Variants in FOXP1 observed in about 807,000 individuals in gnomAD.
FOXP1 encodes forkhead box protein P1.
A neutral mutation model predicts 98.2 loss-of-function variants in FOXP1; 15 were observed. That is an observed-to-expected ratio of 0.15 (90% CI 0.10 to 0.24). The LOEUF is 0.24. FOXP1 is among the 10% of genes least tolerant of loss of function. The probability of loss-of-function intolerance (pLI) is 1.00; values close to 1 mark genes in which losing one functional copy is unlikely to be tolerated. For missense variants in FOXP1, 633 were observed against 848.5 expected (o/e 0.75, Z 3.15); for synonymous variants, 371 against 314.5 (o/e 1.18, Z -1.90).
chr3:71,433,359 C>A (rs2084909051), intron 3 of FOXP1, among the ~76,000 whole-genome samples: 1 of 152,174 alleles, frequency 6.6e-6, no homozygotes, highest in Non-Finnish European at 1.5e-5. Flanking sequence ...AATGTATAAA[C>A]ACTCTACGTG....
intron 7 of FOXP1, among the ~76,000 whole-genome samples, chr3:71,110,509 A>C (rs1035836620): frequency 2.0e-5 from 3 of 152,174 alleles, no homozygotes; most frequent in African/African-American, 7.2e-5. Flanking sequence ...GGGAGGCAAA[A>C]AGAATGGACC....
At chr3:71,020,798 C>T (rs903919094) in intron 11 of FOXP1, among the ~76,000 whole-genome samples, 1 of 152,170 alleles carries the variant, frequency 6.6e-6, no homozygotes, top group Non-Finnish European at 1.5e-5. Context: ...TTTTCCAAAT[C>T]TGCCTCTTTC....
Position 71,220,637 on chromosome 3 carries a change from C to T in FOXP1, c.-11-22245G>A, listed in dbSNP as rs191950638. Among the ~76,000 whole-genome samples, 4 of 152,096 alleles carry T rather than the reference C, an allele frequency of 2.6e-5. No individual in the cohort carries two copies. The East Asian group carries it at 7.7e-4, about 29-fold the overall frequency. ...GTGTGGCAGTGCACGCCTGTAGTCC[C>T]AACTACTTGGGAGGCTGAGGTGGGA... On this transcript the variant is annotated intron_variant, in intron 5 of 20. Transcript: ENST00000649528.
At chr3:71,503,669 T>C (rs139591238) in intron 2 of FOXP1, among the ~76,000 whole-genome samples, 2 of 150,340 alleles carry the variant, frequency 1.3e-5, no homozygotes, top group Non-Finnish European at 2.9e-5. Flanking sequence ...ACCTCCTCAG[T>C]GACTCGATGT....
intron 5 of FOXP1, among the ~76,000 whole-genome samples, chr3:71,247,016 C>T (rs2067802704): frequency 6.6e-6 from 1 of 152,104 alleles, no homozygotes; most frequent in East Asian, 1.9e-4. Flanking sequence ...TGTGGCGCTA[C>T]AGCTCTCAGC....
At chr3:71,108,118 T>C (rs1363976242) in intron 7 of FOXP1, among the ~76,000 whole-genome samples, 1 of 152,224 alleles carries the variant, frequency 6.6e-6, no homozygotes, top group Non-Finnish European at 1.5e-5. Flanking sequence ...ATAGAGGGCC[T>C]GAAGCTGGTG....
intron 3 of FOXP1, among the ~76,000 whole-genome samples, chr3:71,406,601 C>T (rs1046657336): frequency 6.6e-6 from 1 of 151,492 alleles, no homozygotes; most frequent in Admixed American, 6.6e-5. Context: ...CTGGGTTCGC[C>T]GAGATACTCC....
chr3:70,976,658 C>A (rs963354364), intron 17 of FOXP1, among the ~76,000 whole-genome samples: 5 of 152,118 alleles, frequency 3.3e-5, no homozygotes, highest in African/African-American at 1.2e-4. Context: ...CACTTCTGGG[C>A]GACGGTGTTG....
chr3:71,348,537 G>A (rs1340925222), intron 4 of FOXP1, among the ~76,000 whole-genome samples: 1 of 137,868 alleles, frequency 7.3e-6, no homozygotes, highest in East Asian at 2.0e-4. Flanking sequence ...GTGTGTGTGT[G>A]TGTGTGTGTG....
At chr3:71,053,879 T>C (rs1371913397) in intron 7 of FOXP1, 106 bp from the exon 8 acceptor site, 1 of 1,160,810 alleles carries the variant, frequency 8.6e-7, no homozygotes, top group Non-Finnish European at 1.3e-6. Flanking sequence ...GTTGACCAAT[T>C]TCCCATGCAA....
At chr3:71,266,552 C>T (rs573187727) in intron 5 of FOXP1, among the ~76,000 whole-genome samples, 1 of 152,182 alleles carries the variant, frequency 6.6e-6, no homozygotes, top group Admixed American at 6.5e-5. Context: ...GCGCCTGGCC[C>T]CCAACTTTTG....
chr3:71,006,286 T>C (rs1451676379), intron 12 of FOXP1, among the ~76,000 whole-genome samples: 1 of 152,118 alleles, frequency 6.6e-6, no homozygotes, highest in Non-Finnish European at 1.5e-5. Context: ...AATCTAATGA[T>C]ACTTCACTCA....
chr3:71,235,918 T>C (rs1468113465), intron 5 of FOXP1, among the ~76,000 whole-genome samples: 2 of 152,218 alleles, frequency 1.3e-5, no homozygotes, highest in African/African-American at 4.8e-5. Flanking sequence ...AGGTAAATTC[T>C]GTACTAGGTA....
At chr3:71,331,530 G>A (rs1312377811) in intron 4 of FOXP1, among the ~76,000 whole-genome samples, 2 of 152,266 alleles carry the variant, frequency 1.3e-5, no homozygotes, top group African/African-American at 2.4e-5. Context: ...GCCCCGGTGC[G>A]GGATCCACTG....
At chr3:71,561,515 C>G (rs558517833) in intron 2 of FOXP1, among the ~76,000 whole-genome samples, 87 of 151,048 alleles carry the variant, frequency 5.8e-4, no homozygotes, top group African/African-American at 2.0e-3. Flanking sequence ...AAAGATCGAA[C>G]TATGTGACTG....
chr3:71,041,479 T>C lies in FOXP1; in HGVS notation c.718A>G (p.Thr240Ala). The C allele has an allele frequency of 6.2e-7, 1 of 1,613,886 alleles. No individual in the cohort carries two copies. ...QLWKEVTSAH[T>A]AEETTGNNHS... The stretch of plus-strand genomic sequence containing the variant: ...TTGTTGCCTGTGGTTTCTTCTGCAG[T>C]ATGAGCACTTGTCACTTCTTTCCAG... Residue 240 changes from threonine (T) to alanine (A), a missense_variant, in exon 11 of 21, where the codon ACT becomes GCT. This residue lies in a region of FOXP1 where 210 missense variants were observed against 270.6 expected (regional missense o/e 0.78). Coordinates refer to ENST00000649528, the MANE Select transcript of FOXP1 (RefSeq NM_001349338.3).
chr3:71,176,438 G>T (rs1289624584), intron 6 of FOXP1, among the ~76,000 whole-genome samples: 3 of 152,178 alleles, frequency 2.0e-5, no homozygotes, highest in Non-Finnish European at 4.4e-5. Context: ...ACCAGTCAAA[G>T]GAGACAGCAA....
intron 3 of FOXP1, among the ~76,000 whole-genome samples, chr3:71,434,631 GGTGTGTGTGTGTGTGTGT>G (rs55643841): frequency 1.4e-5 from 2 of 142,266 alleles, no homozygotes; most frequent in South Asian, 4.5e-4. Flanking sequence ...GAGGGGATGG[GGTGTGTGTGTGTGTGTGT>G]GTGTGTGTGT....
intron 2 of FOXP1, among the ~76,000 whole-genome samples, chr3:71,548,956 CG>C (rs1229877302): frequency 4.6e-5 from 7 of 152,064 alleles, no homozygotes; most frequent in African/African-American, 1.7e-4. Context: ...GGAACTAAGG[CG>C]GTGTGTTTAA....
Sources: gnomAD v4.1 joint callset for allele counts (sites outside exome capture counted in the v4.1 genomes callset) on GRCh38, gnomAD v4.1.1 for gene constraint, gnomAD v4.1.1 regional missense constraint, MANE v1.5 for transcripts, NCBI Gene and HGNC (gene_info 2026-07-23, HGNC 2026-07-21) for gene names.